Variants in DENND1A observed in about 807,000 individuals in gnomAD.
The protein encoded by DENND1A is DENN domain-containing protein 1A.
Under a neutral mutation model 113.7 loss-of-function variants are expected in DENND1A, and 51 were observed. That is an observed-to-expected ratio of 0.45 (90% CI 0.36 to 0.57). The LOEUF is 0.57. DENND1A is among the 20% of genes least tolerant of loss of function. The pLI is 0.00. For synonymous variants in DENND1A, 565 were observed against 570.8 expected, an observed-to-expected ratio of 0.99 and a Z score of 0.14; for missense variants, 1,258 against 1,395.9, an observed-to-expected ratio of 0.90 and a Z score of 1.57.
chr9:123,522,935 C>T (rs1037291372), intron 13 of DENND1A, among the ~76,000 whole-genome samples: 1 of 152,160 alleles, frequency 6.6e-6, no homozygotes, highest in Non-Finnish European at 1.5e-5. Context: ...CTTTAAGAGG[C>T]CCCACTATGT....
intron 13 of DENND1A, among the ~76,000 whole-genome samples, chr9:123,473,319 G>C (rs2049606147): frequency 6.6e-6 from 1 of 152,166 alleles, no homozygotes; most frequent in Non-Finnish European, 1.5e-5. Context: ...TGTGTGCTGG[G>C]AGGGGCAGGG....
Position 123,414,236 on chromosome 9 carries a change from C to T in DENND1A, c.1489-2407G>A, listed in dbSNP as rs41278280. ...AGTACAGGTAACAGCACTGCCTACC[C>T]GAGTGTCCTGTTAGGAAGATTCAAC... On this transcript the variant is annotated intron_variant, in intron 19 of 23. Coordinates refer to ENST00000394215, the MANE Select transcript of DENND1A (RefSeq NM_001352964.2). 4,176 of 1,228,152 alleles carry T rather than the reference C, an allele frequency of 3.4e-3. 11 individuals carry two copies. Among genetic ancestry groups the T allele is most frequent in the Admixed American group, 5.4e-3 (133 of 24,818 alleles). The allele number at this position is 1,228,152 out of a possible 1,614,324, so 76.1% of individuals were successfully genotyped here.
chr9:123,878,465 G>A (rs1042511689), intron 2 of DENND1A, among the ~76,000 whole-genome samples: 1 of 152,158 alleles, frequency 6.6e-6, no homozygotes, highest in Non-Finnish European at 1.5e-5. Flanking sequence ...CAGAGGAGGT[G>A]TTTCCTTCAA....
At position 123,564,554 on chromosome 9, in the gene DENND1A, C is replaced by T. The variant is rs532392824; in HGVS notation, c.868-6859G>A. 5.9e-5 allele frequency among the ~76,000 whole-genome samples: 9 copies of T among 152,344 alleles called. No individual in the cohort carries two copies. The South Asian group carries it at 1.2e-3, about 21-fold the overall frequency. ...CCAGGACCTTTGCATAGGTTATTTC[C>T]GGTGTGGAGTGCTCTCACCCACCAT... is the stretch of plus-strand genomic sequence containing the variant. On this transcript the variant is annotated intron_variant, in intron 12 of 23. Coordinates refer to ENST00000394215, the MANE Select transcript of DENND1A (RefSeq NM_001352964.2).
At chr9:123,668,707 A>C (rs2063612560) in intron 7 of DENND1A, among the ~76,000 whole-genome samples, 1 of 152,250 alleles carries the variant, frequency 6.6e-6, no homozygotes, top group South Asian at 2.1e-4. Context: ...AAAAATAAAA[A>C]GTATAAAAAA....
At chr9:123,601,555 C>T (rs1327126897) in intron 11 of DENND1A, among the ~76,000 whole-genome samples, 2 of 152,192 alleles carry the variant, frequency 1.3e-5, no homozygotes. Context: ...ACATAGCATG[C>T]TAAGGAAATT....
intron 5 of DENND1A, among the ~76,000 whole-genome samples, chr9:123,703,423 C>T (rs539297152): frequency 6.6e-6 from 1 of 152,208 alleles, no homozygotes; most frequent in East Asian, 1.9e-4. Flanking sequence ...TTATTATCAG[C>T]TTAAAATAAC....
intron 13 of DENND1A, among the ~76,000 whole-genome samples, chr9:123,486,842 A>G (rs2050914238): frequency 6.6e-6 from 1 of 152,160 alleles, no homozygotes; most frequent in Non-Finnish European, 1.5e-5. Context: ...GGAATAGGTA[A>G]TAAAACTCTC....
intron 2 of DENND1A, among the ~76,000 whole-genome samples, chr9:123,863,784 A>T (rs1845414153): frequency 6.6e-6 from 1 of 152,192 alleles, no homozygotes; most frequent in Admixed American, 6.5e-5. Flanking sequence ...TTCACCACAC[A>T]TATATTTTTC....
chr9:123,813,095 G>A (rs548991711), intron 2 of DENND1A, among the ~76,000 whole-genome samples: 6 of 152,120 alleles, frequency 3.9e-5, no homozygotes, highest in East Asian at 1.9e-4. Flanking sequence ...GACCACAGGC[G>A]CACACCACCA....
intron 1 of DENND1A, among the ~76,000 whole-genome samples, chr9:123,921,077 T>TG (rs1455933851): frequency 1.3e-5 from 2 of 152,198 alleles, no homozygotes; most frequent in Non-Finnish European, 2.9e-5. Flanking sequence ...GCAAATACTT[T>TG]GGTTTTTAAA....
chr9:123,665,139 T>C (rs1385034878), intron 8 of DENND1A, among the ~76,000 whole-genome samples: 1 of 152,190 alleles, frequency 6.6e-6, no homozygotes, highest in African/African-American at 2.4e-5. Flanking sequence ...AGGCTCAAAG[T>C]ATAGCATGTT....
At chr9:123,625,076 T>C (rs1326922366) in intron 10 of DENND1A, among the ~76,000 whole-genome samples, 1 of 152,248 alleles carries the variant, frequency 6.6e-6, no homozygotes, top group African/African-American at 2.4e-5. Flanking sequence ...CTTTCCAGAT[T>C]TCTGCCTCTC....
intron 2 of DENND1A, among the ~76,000 whole-genome samples, chr9:123,805,985 G>A (rs928314034): frequency 1.3e-5 from 2 of 152,018 alleles, no homozygotes; most frequent in African/African-American, 2.4e-5. Flanking sequence ...ATGGAGTCTC[G>A]CTCTATCACC....
chr9:123,555,419 C>T (rs563017021), intron 13 of DENND1A, among the ~76,000 whole-genome samples: 8 of 152,228 alleles, frequency 5.3e-5, no homozygotes, highest in Non-Finnish European at 1.0e-4. Flanking sequence ...CATCTCCCCA[C>T]CCAATTGCTC....
chr9:123,830,985 A>C (rs1469753384), intron 2 of DENND1A, among the ~76,000 whole-genome samples: 1 of 152,008 alleles, frequency 6.6e-6, no homozygotes, highest in Admixed American at 6.6e-5. Flanking sequence ...AAGAACAAGA[A>C]AGGAAGGCAT....
At chr9:123,607,518 C>CAG (rs1564807608) in intron 11 of DENND1A, among the ~76,000 whole-genome samples, 25 of 77,738 alleles carry the variant, frequency 3.2e-4, no homozygotes, top group Admixed American at 1.8e-3. Context: ...CACACACACA[C>CAG]ACAGAGAGAG....
intron 1 of DENND1A, among the ~76,000 whole-genome samples, chr9:123,917,849 G>A (rs1412977578): frequency 2.0e-5 from 3 of 152,014 alleles, no homozygotes; most frequent in Non-Finnish European, 4.4e-5. Context: ...AGTGGCTCAC[G>A]CCTGTAATCT....
intron 5 of DENND1A, among the ~76,000 whole-genome samples, chr9:123,704,553 G>A (rs1328903180): frequency 6.6e-6 from 1 of 152,068 alleles, no homozygotes; most frequent in Non-Finnish European, 1.5e-5. Context: ...AGTATTCCTA[G>A]GTAATAGCCA....
Sources: allele counts gnomAD v4.1 joint callset (sites outside exome capture counted in the v4.1 genomes callset), GRCh38; gene constraint gnomAD v4.1.1; transcripts MANE v1.5; gene names NCBI Gene and HGNC (gene_info 2026-07-23, HGNC 2026-07-21).